PIK3C2G: variants seen among roughly 807,000 people sequenced by gnomAD.
The protein encoded by PIK3C2G is phosphatidylinositol 3-kinase C2 domain-containing subunit gamma.
PIK3C2G carries 168 observed loss-of-function variants against 181.1 expected under a neutral mutation model. The observed-to-expected ratio is 0.93, with a 90% CI of 0.82 to 1.05. PIK3C2G has a LOEUF of 1.05. PIK3C2G is among the 50% of genes least tolerant of loss of function. The pLI is 0.00. For missense variants in PIK3C2G, 1,869 were observed against 1,732.8 expected (o/e 1.08, Z -1.40); for synonymous variants, 573 against 592.2 (o/e 0.97, Z 0.47).
the PIK3C2G span, among the ~76,000 whole-genome samples, chr12:18,725,395 C>T: frequency 6.6e-6 from 1 of 152,076 alleles, no homozygotes; most frequent in Non-Finnish European, 1.5e-5. Flanking sequence ...AAAACTGAAG[C>T]ACAAAAATCT....
intron 7 of PIK3C2G, among the ~76,000 whole-genome samples, chr12:18,323,996 G>A (rs1374131369): frequency 6.6e-6 from 1 of 152,022 alleles, no homozygotes; most frequent in Non-Finnish European, 1.5e-5. Context: ...CGAGGTGGGC[G>A]GATCATGAGG....
At chr12:18,559,923 A>G (rs1035023202) in intron 26 of PIK3C2G, among the ~76,000 whole-genome samples, 1 of 146,600 alleles carries the variant, frequency 6.8e-6, no homozygotes, top group African/African-American at 2.5e-5. Context: ...GGCTCACTGC[A>G]ACCTCCACCT....
chr12:18,454,130 C>T (rs1398287485), intron 18 of PIK3C2G, among the ~76,000 whole-genome samples: 1 of 151,996 alleles, frequency 6.6e-6, no homozygotes, highest in Non-Finnish European at 1.5e-5. Context: ...TAATGAATGC[C>T]TACTATATGT....
At chr12:18,614,583 T>G (rs1948504127) in intron 31 of PIK3C2G, among the ~76,000 whole-genome samples, 1 of 152,128 alleles carries the variant, frequency 6.6e-6, no homozygotes, top group African/African-American at 2.4e-5. Flanking sequence ...TTAAGATAGA[T>G]GTATGTGTAG....
intron 3 of PIK3C2G, among the ~76,000 whole-genome samples, chr12:18,289,498 C>T (rs1949595422): frequency 6.6e-6 from 1 of 152,176 alleles, no homozygotes; most frequent in Non-Finnish European, 1.5e-5. Context: ...CCTAACTGGA[C>T]TCTAGACCTT....
chr12:18,662,652 G>T, the PIK3C2G span, among the ~76,000 whole-genome samples: 1 of 151,940 alleles, frequency 6.6e-6, no homozygotes, highest in Non-Finnish European at 1.5e-5. Flanking sequence ...AGTAATTATT[G>T]GTTCATATAT....
chr12:18,351,970 G>A (rs780250780), intron 11 of PIK3C2G, among the ~76,000 whole-genome samples: 31 of 152,150 alleles, frequency 2.0e-4, no homozygotes, highest in Non-Finnish European at 4.4e-4. Context: ...GTTTGTGCAA[G>A]TACACTCTGG....
At chr12:18,448,275 TTC>T (rs749600243) in intron 18 of PIK3C2G, among the ~76,000 whole-genome samples, 25 of 152,300 alleles carry the variant, frequency 1.6e-4, no homozygotes, top group South Asian at 6.2e-4. Context: ...TATAATTCAT[TTC>T]TGTTTGTTTT....
chr12:18,371,905 A>G (rs1014290653), intron 13 of PIK3C2G, among the ~76,000 whole-genome samples: 3 of 152,138 alleles, frequency 2.0e-5, no homozygotes, highest in Admixed American at 2.0e-4. Flanking sequence ...GGTATTAAGG[A>G]AAAATATTTT....
chr12:18,392,741 T>G (rs4763500), intron 15 of PIK3C2G, among the ~76,000 whole-genome samples: 19,441 of 152,006 alleles, frequency 0.13, 1,263 homozygotes, highest in African/African-American at 0.16. Flanking sequence ...TTGCAAGAAC[T>G]GGAAAAAGTA....
intron 31 of PIK3C2G, among the ~76,000 whole-genome samples, chr12:18,617,797 T>C (rs1452259045): frequency 1.3e-5 from 2 of 152,080 alleles, no homozygotes; most frequent in African/African-American, 2.4e-5. Flanking sequence ...AAACCCTCTA[T>C]AGCGGAGACA....
At chr12:18,572,122 A>G (rs946775370) in intron 29 of PIK3C2G, among the ~76,000 whole-genome samples, 12 of 151,294 alleles carry the variant, frequency 7.9e-5, no homozygotes, top group Middle Eastern at 3.4e-3. Context: ...CCCTATGCCT[A>G]TTTAACCCAC....
chr12:18,253,019 C>T lies in PIK3C2G; in HGVS notation c.-79+4937C>T, dbSNP rs1412958386. Among the ~76,000 whole-genome samples the T allele has an allele frequency of 4.6e-5, 7 of 152,074 alleles. No homozygotes were observed. The South Asian group carries it at 1.4e-3, about 31-fold the overall frequency. Reference sequence around the variant, plus strand: ...TGAGATGATGGAAATGTTCCATATCCTGACAAGATAAGACAGGTCTATGCA... The same window carrying T: ...TGAGATGATGGAAATGTTCCATATCTTGACAAGATAAGACAGGTCTATGCA... On this transcript the variant is annotated intron_variant, in intron 1 of 11. Coordinates refer to the PIK3C2G transcript ENST00000535651.
the PIK3C2G span, among the ~76,000 whole-genome samples, chr12:18,718,913 C>A: frequency 6.6e-6 from 1 of 152,146 alleles, no homozygotes; most frequent in Non-Finnish European, 1.5e-5. Context: ...GGTATAAAAT[C>A]AGCAATGCAA....
intron 12 of PIK3C2G, chr12:18,363,198 G>A (rs968336805): frequency 6.0e-6 from 1 of 166,136 alleles, no homozygotes; most frequent in African/African-American, 2.4e-5. Flanking sequence ...TTTGAGGCAG[G>A]AGTGGAGGGA....
At chr12:18,297,965 T>C (rs1041240034) in intron 5 of PIK3C2G, among the ~76,000 whole-genome samples, 2 of 152,026 alleles carry the variant, frequency 1.3e-5, no homozygotes, top group Non-Finnish European at 2.9e-5. Context: ...TTGGCTAATG[T>C]GAATAGTATT....
chr12:18,308,629 T>C (rs1950517208), intron 5 of PIK3C2G, among the ~76,000 whole-genome samples: 1 of 151,746 alleles, frequency 6.6e-6, no homozygotes, highest in Non-Finnish European at 1.5e-5. Flanking sequence ...TTGTTTGTTC[T>C]AGAAGAGTAG....
intron 18 of PIK3C2G, among the ~76,000 whole-genome samples, chr12:18,435,936 T>C (rs1052900434): frequency 6.6e-6 from 1 of 151,054 alleles, no homozygotes; most frequent in African/African-American, 2.4e-5. Context: ...AGATACTTCT[T>C]CACTTCAAGA....
At chr12:18,440,604 G>A (rs901793464) in intron 18 of PIK3C2G, among the ~76,000 whole-genome samples, 3 of 152,122 alleles carry the variant, frequency 2.0e-5, no homozygotes, top group Non-Finnish European at 2.9e-5. Context: ...GTAATAGCGT[G>A]TGCAAAGGCA....
Sources: gnomAD v4.1 joint callset for allele counts (sites outside exome capture counted in the v4.1 genomes callset) on GRCh38, gnomAD v4.1.1 for gene constraint, MANE v1.5 for transcripts, NCBI Gene and HGNC (gene_info 2026-07-23, HGNC 2026-07-21) for gene names.